Variants in TGM6 observed in about 807,000 individuals in gnomAD.
TGM6 encodes the protein protein-glutamine gamma-glutamyltransferase 6.
TGM6 carries 74 observed loss-of-function variants against 77.5 expected under a neutral mutation model. The observed-to-expected ratio is 0.96, with a 90% CI of 0.79 to 1.16. The LOEUF (loss-of-function observed/expected upper bound fraction) is 1.16, where lower values mean the gene tolerates loss of function less well. Among genes scored for constraint, TGM6 ranks in the 50% most tolerant of loss-of-function variants. The pLI is 0.00. For missense variants in TGM6, 968 were observed against 940.2 expected, an observed-to-expected ratio of 1.03 and a Z score of -0.39; for synonymous variants, 383 against 378.9, an observed-to-expected ratio of 1.01 and a Z score of -0.12.
rs1006922502 is a variant in TGM6, at chr20:2,403,392, G to A, written c.990-5G>A. ...GCAGCTTCACCCATCCTCTCTCTGT[G>A]GCAGGAATTTCCATGTCTGGAATGA... On this transcript the variant is annotated splice_polypyrimidine_tract_variant and splice_region_variant and intron_variant, in intron 7 of 12. Coordinates refer to ENST00000202625, the MANE Select transcript of TGM6 (RefSeq NM_198994.3). The A allele has an allele frequency of 6.0e-5, 97 of 1,613,936 alleles. No homozygotes were observed. Among genetic ancestry groups the A allele is most frequent in the Non-Finnish European group, 8.0e-5 (94 of 1,180,018 alleles).
At chr20:2,430,759 TGGCACTCAGCAATGG>T in intron 11 of TGM6, 120 bp from the exon 12 acceptor site, 1 of 1,584,926 alleles carries the variant, frequency 6.3e-7, no homozygotes, top group Non-Finnish European at 8.6e-7. Context: ...GGTGCAATAG[TGGCACTCAGCAATGG>T]GGTATATGGA....
intron 3 of TGM6, among the ~76,000 whole-genome samples, chr20:2,395,813 C>T (rs2084661554): frequency 6.6e-6 from 1 of 152,306 alleles, no homozygotes; most frequent in East Asian, 1.9e-4. Context: ...ACCCATAGGG[C>T]TAATACTTGT....
Position 2,423,652 on chromosome 20 carries a change from G to A in TGM6, c.1678+6079G>A, listed in dbSNP as rs1282344715. 2.0e-5 allele frequency among the ~76,000 whole-genome samples: 3 copies of A among 152,214 alleles called. No individual in the cohort carries two copies. The East Asian group carries it at 5.8e-4, about 29-fold the overall frequency. ...CAACTTCTTTCCAACTCCTATTAAT[G>A]TTGATATTTTTACCTCCTCCCATGA... On this transcript the variant is annotated intron_variant, in intron 10 of 12. Coordinates refer to ENST00000202625, the MANE Select transcript of TGM6 (RefSeq NM_198994.3).
At chr20:2,413,639 G>A (rs768325313) in intron 9 of TGM6, among the ~76,000 whole-genome samples, 2 of 152,084 alleles carry the variant, frequency 1.3e-5, no homozygotes, top group Admixed American at 6.6e-5. Context: ...ATCCCCACAT[G>A]CAAAAGAATG....
Position 2,399,701 on chromosome 20 carries a change from C to T in TGM6, c.813C>T (p.Tyr271=), listed in dbSNP as rs777192798. Residue 271 remains tyrosine (Y), a synonymous_variant, in exon 6 of 13, where the codon TAC becomes TAT. Coordinates refer to ENST00000202625, the MANE Select transcript of TGM6 (RefSeq NM_198994.3). The part of the protein sequence containing the change: ...WLKGRYKPVK[Y]GQCWVFAGVL... Reference sequence around the variant, plus strand: ...AGGGCAGGTACAAGCCAGTCAAGTACGGCCAGTGCTGGGTCTTCGCCGGAG... The same window carrying T: ...AGGGCAGGTACAAGCCAGTCAAGTATGGCCAGTGCTGGGTCTTCGCCGGAG... 8.1e-6 allele frequency: 13 copies of T among 1,613,646 alleles called. No individual in the cohort carries two copies. The Admixed American group carries it at 1.2e-4, about 14-fold the overall frequency.
At chr20:2,393,189 G>C (rs987622516) in intron 1 of TGM6, among the ~76,000 whole-genome samples, 6 of 152,256 alleles carry the variant, frequency 3.9e-5, no homozygotes, top group African/African-American at 1.4e-4. Flanking sequence ...GACATGCACA[G>C]AGTGCGGAAA....
At chr20:2,383,698 C>T (rs1176836043) in intron 1 of TGM6, among the ~76,000 whole-genome samples, 1 of 152,086 alleles carries the variant, frequency 6.6e-6, no homozygotes, top group Non-Finnish European at 1.5e-5. Context: ...GCCATACAGT[C>T]GCTTAAGCGA....
At chr20:2,385,689 C>T (rs113782063) in intron 1 of TGM6, among the ~76,000 whole-genome samples, 1 of 152,090 alleles carries the variant, frequency 6.6e-6, no homozygotes, top group Non-Finnish European at 1.5e-5. Context: ...TGTGGACAGT[C>T]GGAGCGTGAG....
In TGM6 at chr20:2,403,412, G is replaced by A. The variant is rs750743855; in HGVS notation, c.1005G>A (p.Trp335Ter). 5.0e-6 allele frequency: 8 copies of A among 1,614,136 alleles called. No homozygotes were observed. Among genetic ancestry groups the A allele is most frequent in the Non-Finnish European group, 5.9e-6 (7 of 1,180,024 alleles). ...TCTGTGGCAGGAATTTCCATGTCTG[G>A]AATGAGAGCTGGTTTGCCCGGCAGG... ...TEDSMWNFHV[W>*]NESWFARQDL... The change falls in exon 8 of 13, where the codon TGG becomes TGA. Residue 335 changes from tryptophan (W) to a stop codon, truncating the protein, a stop_gained. Transcript: ENST00000202625. LOFTEE classifies it high-confidence loss of function.
At chr20:2,382,775 C>T (rs1364206044) in intron 1 of TGM6, among the ~76,000 whole-genome samples, 1 of 152,116 alleles carries the variant, frequency 6.6e-6, no homozygotes, top group African/African-American at 2.4e-5. Flanking sequence ...CTCCTTCTAT[C>T]CCCCCTCCCT....
At chr20:2,411,667 G>C (rs371956856) in intron 9 of TGM6, among the ~76,000 whole-genome samples, 68 of 152,240 alleles carry the variant, frequency 4.5e-4, no homozygotes, top group African/African-American at 1.4e-3. Context: ...GCAAGAAAAA[G>C]AAATAGATAT....
chr20:2,396,627 C>G lies in TGM6; in HGVS notation c.543+3C>G. ...CCCAGGGCTGGAACTACGGGCAGGT[C>G]TCCAGGGGCACAGGCCAGACAAGGA... On this transcript the variant is annotated splice_donor_region_variant and intron_variant, in intron 4 of 12. Coordinates refer to ENST00000202625, the MANE Select transcript of TGM6 (RefSeq NM_198994.3). 2 of 1,614,010 alleles carry G rather than the reference C, an allele frequency of 1.2e-6. No individual in the cohort carries two copies. Among genetic ancestry groups the G allele is most frequent in the Non-Finnish European group, 8.5e-7 (1 of 1,179,910 alleles).
At chr20:2,420,869 C>T (rs55872430) in intron 10 of TGM6, among the ~76,000 whole-genome samples, 48,437 of 151,758 alleles carry the variant, frequency 0.32, 8,035 homozygotes, top group South Asian at 0.44. Flanking sequence ...TATGGATGTA[C>T]ACAGTTTATC....
rs2084649784 is a variant in TGM6, at chr20:2,394,570, G to A, written c.126G>A (p.Leu42=). Residue 42 remains leucine, a synonymous_variant, in exon 2 of 13, where the codon CTG becomes CTA. Coordinates refer to ENST00000202625, the MANE Select transcript of TGM6 (RefSeq NM_198994.3). ...VRRGQSFSLT[L]ELSRALDCEE... ...GGGGCCAGTCGTTCAGCCTCACGCT[G>A]GAGCTGAGCAGAGCCCTGGACTGTG... is the stretch of plus-strand genomic sequence containing the variant. The A allele has an allele frequency of 3.7e-6, 6 of 1,612,388 alleles. No homozygotes were observed. In the Middle Eastern group the frequency reaches 8.0e-4, roughly 214 times the overall value.
At chr20:2,426,711 A>C (rs981754334) in intron 10 of TGM6, among the ~76,000 whole-genome samples, 3 of 152,054 alleles carry the variant, frequency 2.0e-5, no homozygotes, top group African/African-American at 7.2e-5. Flanking sequence ...GTTTGCTGAG[A>C]GCTTTATCAG....
In TGM6 at chr20:2,417,532, T is replaced by A; in HGVS notation, c.1637T>A (p.Ile546Asn). The change falls in exon 10 of 13, where the codon ATC becomes AAC. Residue 546 changes from isoleucine (I) to asparagine (N), a missense_variant. Ile to Asn is a moderately radical substitution (Grantham distance 149). Coordinates refer to ENST00000202625, the MANE Select transcript of TGM6 (RefSeq NM_198994.3). ...TATACCCGCAAGCCAGTGGCAGAGA[T>A]CCTGCATGAATCCCACGCCGTGAGG... ...ILYTRKPVAEILHESHAVRLG... is the reference protein window; with the variant it reads ...ILYTRKPVAENLHESHAVRLG... The A allele has an allele frequency of 6.2e-7, 1 of 1,606,168 alleles. No homozygotes were observed. The highest frequency in any genetic ancestry group is 1.1e-5 in the South Asian group (1 of 91,042).
At chr20:2,413,687 A>T (rs923534631) in intron 9 of TGM6, among the ~76,000 whole-genome samples, 11 of 152,190 alleles carry the variant, frequency 7.2e-5, no homozygotes, top group Admixed American at 3.3e-4. Context: ...AAAAATTTTT[A>T]AAAAAGGGAA....
chr20:2,403,560 A>C (rs906857263), intron 8 of TGM6, 21 bp from the exon 9 acceptor site: 5 of 1,614,076 alleles, frequency 3.1e-6, no homozygotes. Context: ...CATGCTGCTC[A>C]TGCCCACCCC....
chr20:2,431,050 G>T (rs1314254595), intron 12 of TGM6, 23 bp downstream of exon 12: 1 of 1,612,122 alleles, frequency 6.2e-7, no homozygotes, highest in Non-Finnish European at 8.5e-7. Flanking sequence ...CTGGGGGGCT[G>T]GCAGGGAATG....
Sources: allele counts gnomAD v4.1 joint callset (sites outside exome capture counted in the v4.1 genomes callset), GRCh38; gene constraint gnomAD v4.1.1; transcripts MANE v1.5; gene names NCBI Gene and HGNC (gene_info 2026-07-23, HGNC 2026-07-21).